PPP1R12B: variants seen among roughly 807,000 people sequenced by gnomAD.
The protein encoded by PPP1R12B is protein phosphatase 1 regulatory subunit 12B.
A neutral mutation model predicts 126.1 loss-of-function variants in PPP1R12B; 76 were observed. That is an observed-to-expected ratio of 0.60 (90% CI 0.50 to 0.73). The LOEUF is 0.73. Ranked by LOEUF, PPP1R12B falls within the 30% of genes least tolerant of loss-of-function variation. The probability of loss-of-function intolerance (pLI) is 0.00; values close to 1 mark genes in which losing one functional copy is unlikely to be tolerated. For synonymous variants in PPP1R12B, 356 were observed against 434.7 expected (o/e 0.82, Z 2.25); for missense variants, 1,052 against 1,205.1 (o/e 0.87, Z 1.88).
chr1:202,430,835 G>A (rs1439254231), intron 7 of PPP1R12B, 25 bp downstream of exon 7: 3 of 1,607,946 alleles, frequency 1.9e-6, no homozygotes. Flanking sequence ...CTTGAGTAAT[G>A]GGATGAGCTT....
At chr1:202,569,271 G>T (rs1688359251) in intron 23 of PPP1R12B, 74 bp downstream of exon 23, 2 of 1,437,256 alleles carry the variant, frequency 1.4e-6, no homozygotes, top group African/African-American at 2.8e-5. Flanking sequence ...TTGAGCATAG[G>T]CCTGCCCCCT....
At position 202,493,300 on chromosome 1, in the gene PPP1R12B, A is replaced by G; in HGVS notation, c.2128A>G (p.Arg710Gly). The G allele has an allele frequency of 3.7e-6, 6 of 1,612,240 alleles. No individual in the cohort carries two copies. Among genetic ancestry groups the G allele is most frequent in the Non-Finnish European group, 4.2e-6 (5 of 1,179,734 alleles). ...EAGEGQQPWG[R>G]SLDEEPICHR... ...TGGGGAGGGCCAGCAGCCCTGGGGCAGGAGTCTGGATGAAGAGGTGAGCTC... is the reference window on the plus strand; with the variant it reads ...TGGGGAGGGCCAGCAGCCCTGGGGCGGGAGTCTGGATGAAGAGGTGAGCTC... The change falls in exon 15 of 24, where the codon AGG becomes GGG. Residue 710 changes from arginine to glycine, a missense_variant. Physicochemically the swap from Arg to Gly is moderately radical, Grantham distance 125. Coordinates refer to ENST00000608999, the MANE Select transcript of PPP1R12B (RefSeq NM_002481.4).
chr1:202,405,082 T>C (rs1299263022), intron 1 of PPP1R12B, among the ~76,000 whole-genome samples: 2 of 152,216 alleles, frequency 1.3e-5, no homozygotes, highest in Non-Finnish European at 2.9e-5. Flanking sequence ...CAGGGAACAC[T>C]GATTACTGAG....
intron 18 of PPP1R12B, among the ~76,000 whole-genome samples, chr1:202,498,178 C>G (rs945699355): frequency 6.6e-6 from 1 of 152,038 alleles, no homozygotes; most frequent in African/African-American, 2.4e-5. Context: ...GCAGTACTTC[C>G]TAGGGAATTT....
chr1:202,492,752 CTGTTGGTAA>C (rs772598253), intron 14 of PPP1R12B, among the ~76,000 whole-genome samples: 3 of 152,104 alleles, frequency 2.0e-5, no homozygotes, highest in Non-Finnish European at 4.4e-5. Flanking sequence ...TAGGAAATCT[CTGTTGGTAA>C]CCATTTGATC....
rs1310455608 is a variant in PPP1R12B at position 202,380,726 on chromosome 1, C to A, written c.291+31584C>A. ...TTTTCTGGTAAATTATTACTCTGAA[C>A]TTGAGTGTATCCCTTTGAAGATCTC... On this transcript the variant is annotated intron_variant, in intron 1 of 23. Coordinates refer to ENST00000608999, the MANE Select transcript of PPP1R12B (RefSeq NM_002481.4). Among the ~76,000 whole-genome samples, 4 of 152,316 alleles carry A rather than the reference C, an allele frequency of 2.6e-5. No individual in the cohort carries two copies. The South Asian group carries it at 6.2e-4, about 24-fold the overall frequency.
intron 18 of PPP1R12B, among the ~76,000 whole-genome samples, chr1:202,552,579 T>G (rs188049241): frequency 1.8e-4 from 28 of 152,362 alleles, no homozygotes; most frequent in Admixed American, 9.8e-4. Context: ...CAGTCAATAT[T>G]CTGAGAAAAC....
intron 1 of PPP1R12B, among the ~76,000 whole-genome samples, chr1:202,390,684 T>C (rs1664012968): frequency 6.7e-6 from 1 of 148,650 alleles, no homozygotes; most frequent in African/African-American, 2.5e-5. Flanking sequence ...TTTTTTCATA[T>C]GGGTTTTGCT....
chr1:202,501,562 T>A (rs1230915521), intron 18 of PPP1R12B, among the ~76,000 whole-genome samples: 1 of 152,164 alleles, frequency 6.6e-6, no homozygotes, highest in African/African-American at 2.4e-5. Flanking sequence ...TTGCCTTTGT[T>A]TTTAAGGAAT....
chr1:202,564,043 G>A (rs1687808173), intron 20 of PPP1R12B, among the ~76,000 whole-genome samples: 1 of 152,210 alleles, frequency 6.6e-6, no homozygotes, highest in African/African-American at 2.4e-5. Context: ...CTGGGTAACA[G>A]AGCAAGACCC....
At chr1:202,368,062 C>G (rs1659561487) in intron 1 of PPP1R12B, among the ~76,000 whole-genome samples, 1 of 151,948 alleles carries the variant, frequency 6.6e-6, no homozygotes, top group African/African-American at 2.4e-5. Flanking sequence ...CTCCGCCTCC[C>G]AGGTTCAAGC....
intron 18 of PPP1R12B, among the ~76,000 whole-genome samples, chr1:202,515,090 G>A (rs1681961948): frequency 6.6e-6 from 1 of 152,198 alleles, no homozygotes; most frequent in African/African-American, 2.4e-5. Context: ...GAAGCTAAGT[G>A]ATGAGAACTT....
chr1:202,499,132 TA>T (rs1228855859), intron 18 of PPP1R12B, among the ~76,000 whole-genome samples: 1 of 152,216 alleles, frequency 6.6e-6, no homozygotes, highest in Non-Finnish European at 1.5e-5. Flanking sequence ...TCCATCACCT[TA>T]AAACGTTTCA....
intron 1 of PPP1R12B, among the ~76,000 whole-genome samples, chr1:202,358,151 T>G (rs1417409049): frequency 6.6e-6 from 1 of 152,318 alleles, no homozygotes; most frequent in East Asian, 1.9e-4. Context: ...TGGCCCAGAA[T>G]GTCATATAGG....
At chr1:202,569,648 C>G (rs1688404962) in intron 23 of PPP1R12B, among the ~76,000 whole-genome samples, 3 of 152,142 alleles carry the variant, frequency 2.0e-5, no homozygotes, top group African/African-American at 7.2e-5. Flanking sequence ...GGCAAGAACA[C>G]AGATTGAATC....
chr1:202,543,074 T>TA (rs1343162642), intron 18 of PPP1R12B, among the ~76,000 whole-genome samples: 1 of 152,082 alleles, frequency 6.6e-6, no homozygotes, highest in Non-Finnish European at 1.5e-5. Context: ...CAGAGAGTAT[T>TA]TTTAAAATAA....
chr1:202,434,577 C>G (rs1280216542), intron 8 of PPP1R12B, 79 bp from the exon 9 acceptor site: 1 of 1,520,052 alleles, frequency 6.6e-7, no homozygotes, highest in Non-Finnish European at 8.8e-7. Flanking sequence ...CAAATCTTTT[C>G]TATTAGCAGA....
intron 23 of PPP1R12B, 51 bp from the exon 24 acceptor site, chr1:202,580,423 A>G (rs780567085): frequency 1.3e-6 from 2 of 1,491,556 alleles, no homozygotes; most frequent in Non-Finnish European, 9.4e-7. Flanking sequence ...AGGGAGGGCC[A>G]AGGAGGATCC....
chr1:202,410,576 A>G (rs766602431), intron 1 of PPP1R12B, among the ~76,000 whole-genome samples: 1 of 152,232 alleles, frequency 6.6e-6, no homozygotes, highest in Non-Finnish European at 1.5e-5. Context: ...CTGCACTGCC[A>G]GATTTAACCC....
Sources: allele counts gnomAD v4.1 joint callset (sites outside exome capture counted in the v4.1 genomes callset), GRCh38; gene constraint gnomAD v4.1.1; transcripts MANE v1.5; gene names NCBI Gene and HGNC (gene_info 2026-07-23, HGNC 2026-07-21).